The following EPHA6 variants were observed in gnomAD, a reference collection of about 807,000 sequenced individuals.
The protein encoded by EPHA6 is ephrin type-A receptor 6.
EPHA6 carries 50 observed loss-of-function variants against 112.0 expected under a neutral mutation model. The observed-to-expected ratio is 0.45, with a 90% CI of 0.36 to 0.56. The LOEUF (loss-of-function observed/expected upper bound fraction) is 0.56. EPHA6 is among the 20% of genes least tolerant of loss of function. The pLI is 0.00. For synonymous variants in EPHA6, 529 were observed against 490.7 expected (o/e 1.08, Z -1.03); for missense variants, 1,280 against 1,417.4 (o/e 0.90, Z 1.56).
At chr3:97,228,319 C>T (rs760398001) in intron 4 of EPHA6, among the ~76,000 whole-genome samples, 5 of 151,984 alleles carry the variant, frequency 3.3e-5, no homozygotes, top group Non-Finnish European at 7.4e-5. Context: ...TCACTACCCT[C>T]CCATCCTTCC....
chr3:97,506,053 G>GT (rs1273377935), intron 10 of EPHA6, among the ~76,000 whole-genome samples: 1 of 151,988 alleles, frequency 6.6e-6, no homozygotes, highest in Non-Finnish European at 1.5e-5. Context: ...TCGTAAATTT[G>GT]TTTAAGTTCT....
chr3:97,611,425 A>G (rs1175673244), intron 13 of EPHA6, among the ~76,000 whole-genome samples: 1 of 151,922 alleles, frequency 6.6e-6, no homozygotes, highest in South Asian at 2.1e-4. Flanking sequence ...CTTTAAAAGT[A>G]TAGTATATAC....
Position 97,226,169 on chromosome 3 carries a change from T to A in EPHA6, c.1115-95T>A, listed in dbSNP as rs1259026917. The A allele has an allele frequency of 3.1e-6, 3 of 971,584 alleles. No homozygotes were observed. The Admixed American group carries it at 8.9e-5, about 29-fold the overall frequency. 60.2% of individuals were successfully genotyped at this position (971,584 alleles called of 1,614,324 possible). A position where few individuals can be genotyped will look rare whatever the true frequency, so the allele number is the denominator to read the frequency against. ...GTATGTGTAACACTGTACTCTGAGA[T>A]CCAATGTGAATATAAATTAAAGTAT... On this transcript the variant is annotated intron_variant, in intron 3 of 17. Transcript: ENST00000389672.
chr3:96,892,290 G>A (rs1260920388), intron 2 of EPHA6, among the ~76,000 whole-genome samples: 1 of 151,434 alleles, frequency 6.6e-6, no homozygotes. Context: ...GTGTGATCTC[G>A]GCTCACTGCA....
At chr3:97,052,859 G>A (rs1203762034) in intron 3 of EPHA6, among the ~76,000 whole-genome samples, 2 of 152,064 alleles carry the variant, frequency 1.3e-5, no homozygotes, top group Admixed American at 6.6e-5. Context: ...TGGATACAAT[G>A]CCATCTCTAT....
At chr3:97,430,243 C>A (rs2089424674) in intron 6 of EPHA6, among the ~76,000 whole-genome samples, 1 of 151,970 alleles carries the variant, frequency 6.6e-6, no homozygotes, top group East Asian at 1.9e-4. Flanking sequence ...CACCCTCATT[C>A]TTTGTAAATT....
intron 2 of EPHA6, among the ~76,000 whole-genome samples, chr3:96,875,016 G>A (rs1297343571): frequency 1.3e-5 from 2 of 152,062 alleles, no homozygotes; most frequent in Admixed American, 1.3e-4. Context: ...AAGGTAGTTA[G>A]CACCTGTAGA....
At chr3:97,073,228 C>T (rs962328488) in intron 3 of EPHA6, among the ~76,000 whole-genome samples, 15 of 152,118 alleles carry the variant, frequency 9.9e-5, no homozygotes, top group South Asian at 2.1e-4. Context: ...GACAAGGAAT[C>T]CATGGGATCC....
intron 17 of EPHA6, 52 bp from the exon 18 acceptor site, chr3:97,748,535 C>T (rs202084329): frequency 1.3e-5 from 10 of 794,180 alleles, no homozygotes; most frequent in South Asian, 2.9e-5. Context: ...CTCTCTCTCT[C>T]TCTTTCTTGC....
intron 11 of EPHA6, among the ~76,000 whole-genome samples, chr3:97,545,084 A>G (rs1220521150): frequency 6.6e-6 from 1 of 151,874 alleles, no homozygotes; most frequent in African/African-American, 2.4e-5. Context: ...CTCTGATCTT[A>G]GTTATTTCTT....
intron 11 of EPHA6, among the ~76,000 whole-genome samples, chr3:97,563,446 A>G (rs890114084): frequency 1.3e-5 from 2 of 152,216 alleles, no homozygotes; most frequent in Admixed American, 6.6e-5. Context: ...ATAAGGTCAG[A>G]GACGTAAACA....
chr3:97,047,872 T>C (rs2045564807), intron 3 of EPHA6, among the ~76,000 whole-genome samples: 1 of 152,100 alleles, frequency 6.6e-6, no homozygotes, highest in South Asian at 2.1e-4. Flanking sequence ...TTGATGTCGA[T>C]TTGAGCAAGA....
At chr3:97,040,905 G>T (rs540778045) in intron 3 of EPHA6, among the ~76,000 whole-genome samples, 3 of 151,926 alleles carry the variant, frequency 2.0e-5, no homozygotes, top group Non-Finnish European at 4.4e-5. Flanking sequence ...CTTTTAAAGG[G>T]AATGTAACAC....
chr3:97,504,521 G>A (rs916824322), intron 10 of EPHA6, among the ~76,000 whole-genome samples: 2 of 152,124 alleles, frequency 1.3e-5, no homozygotes, highest in African/African-American at 4.8e-5. Context: ...TTCCCTTACT[G>A]TATATGTGTC....
intron 14 of EPHA6, chr3:97,648,235 C>A: frequency 1.3e-6 from 1 of 768,706 alleles, no homozygotes. Context: ...ATATAATCTG[C>A]ATAATTACAG....
At chr3:97,549,377 T>C (rs1330290551) in intron 11 of EPHA6, among the ~76,000 whole-genome samples, 1 of 152,132 alleles carries the variant, frequency 6.6e-6, no homozygotes, top group Admixed American at 6.6e-5. Context: ...TGATTAAAGA[T>C]GAGAAAATTG....
intron 10 of EPHA6, among the ~76,000 whole-genome samples, chr3:97,489,753 T>A (rs1020766667): frequency 6.6e-6 from 1 of 151,908 alleles, no homozygotes; most frequent in Admixed American, 6.6e-5. Context: ...TGTCAGGGAA[T>A]GTTTATTTTT....
chr3:97,412,170 T>C (rs138551527), intron 6 of EPHA6, among the ~76,000 whole-genome samples: 1,958 of 152,222 alleles, frequency 0.013, 25 homozygotes, highest in Non-Finnish European at 0.021. Context: ...GTTTATGTTC[T>C]GGTTACAAGA....
chr3:97,606,340 C>T lies in EPHA6; in HGVS notation c.2513-4453C>T, dbSNP rs576301522. The T allele has an allele frequency of 4.0e-5, 6 of 151,274 alleles. No individual in the cohort carries two copies. In the East Asian group the frequency reaches 1.2e-3, roughly 29 times the overall value. The allele number at this position is 151,274 out of a possible 1,614,324, so 9.4% of individuals were successfully genotyped here. A position where few individuals can be genotyped will look rare whatever the true frequency, so the allele number is the denominator to read the frequency against. ...CTTACAATGGGAAACCAGATAGGAG[C>T]AAAGAAACCAGTAAAATATTACTGA... On this transcript the variant is annotated intron_variant, in intron 12 of 17. Coordinates refer to ENST00000389672, the MANE Select transcript of EPHA6 (RefSeq NM_001080448.3).
Sources: gnomAD v4.1 joint callset for allele counts (sites outside exome capture counted in the v4.1 genomes callset) on GRCh38, gnomAD v4.1.1 for gene constraint, MANE v1.5 for transcripts, NCBI Gene and HGNC (gene_info 2026-07-23, HGNC 2026-07-21) for gene names.